The following LHX6 variants were observed in gnomAD, a reference collection of about 807,000 sequenced individuals.
The protein encoded by LHX6 is LIM/homeobox protein Lhx6.
A neutral mutation model predicts 47.1 loss-of-function variants in LHX6; 15 were observed. That is an observed-to-expected ratio of 0.32 (90% CI 0.21 to 0.49). The LOEUF is 0.49. LHX6 is among the 20% of genes least tolerant of loss of function. The pLI, the probability that LHX6 is intolerant of heterozygous loss-of-function variation, is 0.99. For missense variants in LHX6, 404 were observed against 539.6 expected, an observed-to-expected ratio of 0.75 and a Z score of 2.49; for synonymous variants, 242 against 233.5, an observed-to-expected ratio of 1.04 and a Z score of -0.33.
chr9:122,225,458 C>T (rs891043731), intron 4 of LHX6, among the ~76,000 whole-genome samples: 7 of 152,266 alleles, frequency 4.6e-5, no homozygotes, highest in African/African-American at 1.4e-4. Context: ...GGCTTCATGG[C>T]TAGAAGCGAG....
intron 9 of LHX6, among the ~76,000 whole-genome samples, chr9:122,206,374 G>A (rs539878369): frequency 1.3e-5 from 2 of 152,310 alleles, no homozygotes; most frequent in East Asian, 3.9e-4. Context: ...ACAATCCTGT[G>A]CTGGCCACAC....
rs572632207 is a variant in LHX6 at position 122,206,886 on chromosome 9, G to A, written c.1159-2106C>T. ...CCGGCCCAAGCTCCTCCATGCCTCT[G>A]GGCCTTTGCACATGCGGTTCTCTTG... On this transcript the variant is annotated intron_variant, in intron 9 of 9. Coordinates refer to ENST00000394319, the MANE Select transcript of LHX6 (RefSeq NM_014368.5). Among the ~76,000 whole-genome samples the A allele has an allele frequency of 2.0e-5, 3 of 152,250 alleles. No homozygotes were observed. In the East Asian group the frequency reaches 5.8e-4, roughly 29 times the overall value.
At position 122,204,426 on chromosome 9, in the gene LHX6, G is replaced by A. The variant is rs78827082; in HGVS notation, c.*334C>T. 344 of 373,168 alleles carry A rather than the reference G, an allele frequency of 9.2e-4. 1 individual carries two copies. The highest frequency in any genetic ancestry group is 6.4e-3 in the African/African-American group (309 of 48,148). 23.1% of individuals were successfully genotyped at this position (373,168 alleles called of 1,614,324 possible). On this transcript the variant is annotated 3_prime_UTR_variant, in exon 10 of 10. Coordinates refer to ENST00000394319, the MANE Select transcript of LHX6 (RefSeq NM_014368.5). The stretch of plus-strand genomic sequence containing the variant: ...TGTAAATGAGAAGGCCGTTGGCATC[G>A]CACAATTCAATTCCGCCTTTTGTTA...
rs779092541 is a variant in LHX6 at position 122,204,734 on chromosome 9, G to A, written c.*26C>T. Reference sequence around the variant, plus strand: ...TGAGGGGCAGCTGTGGGGCGCCCACGGGCAGATGCGGAAGTGCCGGCAGCG... The same window carrying A: ...TGAGGGGCAGCTGTGGGGCGCCCACAGGCAGATGCGGAAGTGCCGGCAGCG... On this transcript the variant is annotated 3_prime_UTR_variant, in exon 10 of 10. Transcript: ENST00000394319. 1.9e-5 allele frequency: 30 copies of A among 1,595,806 alleles called. No homozygotes were observed. The South Asian group carries it at 2.5e-4, about 13-fold the overall frequency.
At chr9:122,221,345 TGGCCGCCGCTG>T in intron 4 of LHX6, 1 of 985,616 alleles carries the variant, frequency 1.0e-6, no homozygotes, top group Non-Finnish European at 1.2e-6. Context: ...CCCCAACAGC[TGGCCGCCGCTG>T]GGCCGCTCTC....
At chr9:122,220,772 G>T (rs536462263) in intron 4 of LHX6, among the ~76,000 whole-genome samples, 2 of 152,210 alleles carry the variant, frequency 1.3e-5, no homozygotes, top group Non-Finnish European at 2.9e-5. Context: ...TGGGCGTCGC[G>T]CACCGCAGTG....
chr9:122,221,161 G>A (rs1008542261), intron 4 of LHX6: 88 of 985,274 alleles, frequency 8.9e-5, no homozygotes, highest in Non-Finnish European at 1.0e-4. Context: ...TTGGAGGTGG[G>A]GCCCTACCTA....
intron 4 of LHX6, among the ~76,000 whole-genome samples, chr9:122,218,455 G>T (rs2118875612): frequency 6.6e-6 from 1 of 152,086 alleles, no homozygotes; most frequent in East Asian, 1.9e-4. Flanking sequence ...AAGTATCTCT[G>T]GGATCCATCT....
Position 122,228,843 on chromosome 9 carries a change from G to A in LHX6, c.-103C>T. 1.3e-6 allele frequency: 1 copy of A among 773,026 alleles called. No individual in the cohort carries two copies. 47.9% of individuals were successfully genotyped at this position (773,026 alleles called of 1,614,324 possible). ...AGAGGCTGCTGCAGGAGCAGGAGGA[G>A]AGCCGAGGCGCCGGCCCCGCCGCCC... On this transcript the variant is annotated 5_prime_UTR_variant, in exon 1 of 10. Coordinates refer to ENST00000394319, the MANE Select transcript of LHX6 (RefSeq NM_014368.5).
intron 9 of LHX6, among the ~76,000 whole-genome samples, chr9:122,208,283 G>A (rs1440589164): frequency 6.6e-6 from 1 of 152,090 alleles, no homozygotes; most frequent in Non-Finnish European, 1.5e-5. Flanking sequence ...TTTCAGGCCT[G>A]GCCTTAGAGG....
chr9:122,214,001 C>T lies in LHX6; in HGVS notation c.852G>A (p.Met284Ile). Reference protein sequence around the residue: ...DAQTLQKLADMTGLSRRVIQV... With the variant: ...DAQTLQKLADITGLSRRVIQV... ...GGATGACTCTCCGGCTGAGGCCCGT[C>T]ATGTCCGCCAGCTTCTGCAGCGTCT... Residue 284 changes from methionine to isoleucine, a missense_variant, in exon 7 of 10, where the codon ATG becomes ATA. Met to Ile is a conservative substitution (Grantham distance 10, BLOSUM62 1). Transcript: ENST00000394319. This position sits in a 1 kb window ranked among gnomAD's most constrained non-coding sequence, Gnocchi z 4.6. 1 of 1,598,282 alleles carries T rather than the reference C, an allele frequency of 6.3e-7. No homozygotes were observed. The highest frequency in any genetic ancestry group is 8.5e-7 in the Non-Finnish European group (1 of 1,177,304).
intron 4 of LHX6, among the ~76,000 whole-genome samples, chr9:122,223,683 A>G (rs751048555): frequency 4.6e-5 from 7 of 152,064 alleles, no homozygotes; most frequent in Non-Finnish European, 8.8e-5. Flanking sequence ...TCTCTACCCC[A>G]TTGCAGTAGG....
rs1181910661 is a variant in LHX6 at position 122,214,257 on chromosome 9, CCGCCGCCCACTGCTTGCAG to C, written c.783+7_783+25del. The C allele has an allele frequency of 4.5e-6, 7 of 1,554,210 alleles. No individual in the cohort carries two copies. Among genetic ancestry groups the C allele is most frequent in the Non-Finnish European group, 6.1e-6 (7 of 1,155,974 alleles). On this transcript the variant is annotated splice_region_variant and intron_variant, in intron 6 of 9. Coordinates refer to ENST00000394319, the MANE Select transcript of LHX6 (RefSeq NM_014368.5). The surrounding 1 kb of genome is among the most constrained non-coding windows in gnomAD (Gnocchi z 4.6). ...CCCACTTTCGGCCCGGCCCCCGCCCCCGCCGCCCACTGCTTGCAGCGGTACCTGCAGCTGTTCCGCGGTG... is the reference window on the plus strand; with the variant it reads ...CCCACTTTCGGCCCGGCCCCCGCCCCCGGTACCTGCAGCTGTTCCGCGGTG...
In LHX6 at chr9:122,214,140, C is replaced by G; in HGVS notation, c.784-71G>C. ...GAGACCCCGGCCCAATCAGCGGCGC[C>G]AGTCCACAGGCCACGCCCCAGGCAG... On this transcript the variant is annotated intron_variant, in intron 6 of 9. Transcript: ENST00000394319. The surrounding 1 kb of genome is among the most constrained non-coding windows in gnomAD (Gnocchi z 4.6). 6.7e-7 allele frequency: 1 copy of G among 1,481,500 alleles called. No individual in the cohort carries two copies. The highest frequency in any genetic ancestry group is 9.1e-7 in the Non-Finnish European group (1 of 1,094,172). The allele number at this position is 1,481,500 out of a possible 1,614,324, so 91.8% of individuals were successfully genotyped here. A position where few individuals can be genotyped will look rare whatever the true frequency, so the allele number is the denominator to read the frequency against.
intron 4 of LHX6, among the ~76,000 whole-genome samples, chr9:122,224,866 G>A (rs1432803868): frequency 1.3e-5 from 2 of 152,060 alleles, no homozygotes; most frequent in African/African-American, 4.8e-5. Context: ...CAGCACTACT[G>A]CACAGATCCC....
intron 4 of LHX6, among the ~76,000 whole-genome samples, chr9:122,222,704 G>A (rs1239928137): frequency 2.0e-5 from 3 of 152,174 alleles, no homozygotes; most frequent in African/African-American, 7.2e-5. Flanking sequence ...TGCTAGCTCT[G>A]CCAATGGAGA....
chr9:122,226,702 G>A lies in LHX6; in HGVS notation c.339+146C>T. 1 of 1,213,240 alleles carries A rather than the reference G, an allele frequency of 8.2e-7. No homozygotes were observed. The highest frequency in any genetic ancestry group is 1.1e-6 in the Non-Finnish European group (1 of 892,180). The allele number at this position is 1,213,240 out of a possible 1,614,324, so 75.2% of individuals were successfully genotyped here. ...CAGACGGAACCCGGGGGCTCAGGCA[G>A]ACCCTAAGTCTTGCCCAAAGCTTCG... On this transcript the variant is annotated intron_variant, in intron 3 of 9. Transcript: ENST00000394319. This position sits in a 1 kb window ranked among gnomAD's most constrained non-coding sequence, Gnocchi z 6.5.
chr9:122,221,606 C>G lies in LHX6; in HGVS notation c.462-4318G>C, dbSNP rs1366470785. On this transcript the variant is annotated intron_variant, in intron 4 of 9. Transcript: ENST00000394319. Reference sequence around the variant, plus strand: ...ACGAGGGGAAGCAGTTAACCCTTTACTCCCCACTCCCATTGTCAGAAGGCA... The same window carrying G: ...ACGAGGGGAAGCAGTTAACCCTTTAGTCCCCACTCCCATTGTCAGAAGGCA... 4.1e-6 allele frequency: 4 copies of G among 985,450 alleles called. No homozygotes were observed. The African/African-American group carries it at 7.0e-5, about 17-fold the overall frequency. 61.0% of individuals were successfully genotyped at this position (985,450 alleles called of 1,614,324 possible).
chr9:122,216,393 G>C (rs1261522697), intron 5 of LHX6, among the ~76,000 whole-genome samples: 1 of 152,186 alleles, frequency 6.6e-6, no homozygotes, highest in South Asian at 2.1e-4. Context: ...GAATCACAAT[G>C]TCAGAGCCAG....
Sources: gnomAD v4.1 joint callset for allele counts (sites outside exome capture counted in the v4.1 genomes callset) on GRCh38, gnomAD v4.1.1 for gene constraint, Gnocchi (gnomAD v3.1) non-coding constraint, MANE v1.5 for transcripts, NCBI Gene and HGNC (gene_info 2026-07-23, HGNC 2026-07-21) for gene names.